The following ATXN1 variants were observed in gnomAD, a reference collection of about 807,000 sequenced individuals.
The protein encoded by ATXN1 is ataxin-1.
Under a neutral mutation model 56.4 loss-of-function variants are expected in ATXN1, and 8 were observed. That is an observed-to-expected ratio of 0.14 (90% CI 0.08 to 0.26). ATXN1 has a LOEUF of 0.26. Ranked by LOEUF, ATXN1 falls within the 10% of genes least tolerant of loss-of-function variation. ATXN1 has a pLI of 1.00. For missense variants in ATXN1, 987 were observed against 1,106.5 expected (o/e 0.89, Z 1.53); for synonymous variants, 514 against 494.6 (o/e 1.04, Z -0.52).
chr6:16,385,339 G>A (rs917661346), intron 6 of ATXN1, among the ~76,000 whole-genome samples: 3 of 152,212 alleles, frequency 2.0e-5, no homozygotes, highest in Admixed American at 1.3e-4. Flanking sequence ...AAGGGACCAG[G>A]TTCTACAGGC....
chr6:16,559,675 AAG>A (rs923833968), intron 4 of ATXN1, among the ~76,000 whole-genome samples: 4 of 152,326 alleles, frequency 2.6e-5, no homozygotes, highest in African/African-American at 9.6e-5. Flanking sequence ...ACACAGAAAT[AAG>A]AGAGATGCTT....
At chr6:16,358,265 A>T (rs1761732507) in intron 6 of ATXN1, among the ~76,000 whole-genome samples, 1 of 152,224 alleles carries the variant, frequency 6.6e-6, no homozygotes, top group Non-Finnish European at 1.5e-5. Flanking sequence ...TTCCTTAAAG[A>T]ACTTAAAGTA....
chr6:16,614,228 G>A (rs1757691), intron 3 of ATXN1, among the ~76,000 whole-genome samples: 57 of 150,732 alleles, frequency 3.8e-4, no homozygotes, highest in Middle Eastern at 6.9e-3. Flanking sequence ...TAGAGAGGAA[G>A]GGAATGGAAG....
chr6:16,717,116 C>T (rs1759656562), intron 2 of ATXN1, among the ~76,000 whole-genome samples: 1 of 152,252 alleles, frequency 6.6e-6, no homozygotes, highest in African/African-American at 2.4e-5. Context: ...ACCCCTGCCC[C>T]AGCCAGCACC....
intron 2 of ATXN1, among the ~76,000 whole-genome samples, chr6:16,706,356 T>C (rs147255445): frequency 6.8e-4 from 103 of 152,164 alleles, no homozygotes; most frequent in African/African-American, 2.4e-3. Context: ...GCCCAATACG[T>C]ATGCAAGAAA....
chr6:16,531,207 G>C (rs950642111), intron 4 of ATXN1, among the ~76,000 whole-genome samples: 7 of 152,124 alleles, frequency 4.6e-5, no homozygotes, highest in African/African-American at 1.4e-4. Flanking sequence ...TACGTTTCGG[G>C]GCAGGTCCCT....
At chr6:16,691,124 A>G (rs1350574156) in intron 2 of ATXN1, among the ~76,000 whole-genome samples, 1 of 152,226 alleles carries the variant, frequency 6.6e-6, no homozygotes, top group East Asian at 1.9e-4. Flanking sequence ...AGTGAAAAAG[A>G]TGGTGCCAGG....
At chr6:16,525,324 G>A (rs1162256127) in intron 4 of ATXN1, among the ~76,000 whole-genome samples, 1 of 152,058 alleles carries the variant, frequency 6.6e-6, no homozygotes, top group Non-Finnish European at 1.5e-5. Context: ...TACACACAAT[G>A]GAATATTATT....
chr6:16,499,316 C>T (rs1186628318), intron 5 of ATXN1, among the ~76,000 whole-genome samples: 2 of 152,108 alleles, frequency 1.3e-5, no homozygotes, highest in African/African-American at 4.8e-5. Flanking sequence ...CTTGAAAAAA[C>T]AAAACTTTAA....
chr6:16,584,386 A>T (rs945745818), intron 4 of ATXN1, among the ~76,000 whole-genome samples: 1 of 151,796 alleles, frequency 6.6e-6, no homozygotes. Flanking sequence ...TTTATTAAAT[A>T]CCTTTTTGCT....
chr6:16,577,801 G>A (rs1762451403), intron 4 of ATXN1, among the ~76,000 whole-genome samples: 1 of 152,160 alleles, frequency 6.6e-6, no homozygotes. Context: ...AAATTGCAGA[G>A]TTATAGAAAT....
chr6:16,350,669 T>C lies in ATXN1; in HGVS notation c.-160-22199A>G, dbSNP rs141465067. ...TTTGGCCAAAGACGGGTCTGCCCTT[T>C]GCCCTTGGCTCCTGGGAAATGATCT... On this transcript the variant is annotated intron_variant, in intron 6 of 7. Coordinates refer to ENST00000436367, the MANE Select transcript of ATXN1 (RefSeq NM_001128164.2). Among the ~76,000 whole-genome samples the C allele has an allele frequency of 4.3e-3, 662 of 152,364 alleles. 5 individuals are homozygous for C. Among genetic ancestry groups the C allele is most frequent in the African/African-American group, 0.015 (616 of 41,588 alleles).
rs552087725 is a variant in ATXN1, at chr6:16,662,482, G to A, written c.-614-4581C>T. Among the ~76,000 whole-genome samples the A allele has an allele frequency of 2.7e-4, 41 of 152,042 alleles. 1 individual carries two copies. Among genetic ancestry groups the A allele is most frequent in the African/African-American group, 7.7e-4 (32 of 41,450 alleles). On this transcript the variant is annotated intron_variant, in intron 2 of 7. Transcript: ENST00000436367. ...CAAGTAGCTGGGATTACAGGCACACGCCACCACGCCCAGCTAATTTTTTGT... is the reference window on the plus strand; with the variant it reads ...CAAGTAGCTGGGATTACAGGCACACACCACCACGCCCAGCTAATTTTTTGT...
rs138752694 is a variant in ATXN1, at chr6:16,682,307, G to A, written c.-614-24406C>T. Among the ~76,000 whole-genome samples, 236 of 149,206 alleles carry A rather than the reference G, an allele frequency of 1.6e-3. 1 individual carries two copies. Among genetic ancestry groups the A allele is most frequent in the African/African-American group, 5.5e-3 (224 of 40,438 alleles). ...CACCTCCCAGGTTCAAGTGATTCTC[G>A]TGCCTCAGCCTCCCAAGTAGCTGGG... is the stretch of plus-strand genomic sequence containing the variant. On this transcript the variant is annotated intron_variant, in intron 2 of 7. Transcript: ENST00000436367.
chr6:16,612,660 G>A (rs1009749586), intron 3 of ATXN1, among the ~76,000 whole-genome samples: 2 of 151,952 alleles, frequency 1.3e-5, no homozygotes, highest in African/African-American at 2.4e-5. Flanking sequence ...TTGGGAGGTC[G>A]GGCAGGCAGA....
intron 6 of ATXN1, among the ~76,000 whole-genome samples, chr6:16,385,852 G>A (rs1461735902): frequency 1.3e-5 from 2 of 152,188 alleles, no homozygotes; most frequent in Admixed American, 1.3e-4. Context: ...TAAGATAAGT[G>A]CAAACATTTT....
chr6:16,553,115 C>T (rs1237547637), intron 4 of ATXN1, among the ~76,000 whole-genome samples: 1 of 152,202 alleles, frequency 6.6e-6, no homozygotes, highest in Non-Finnish European at 1.5e-5. Context: ...CTGCCATGGC[C>T]CTTCCAGCTG....
At chr6:16,526,384 C>T (rs965978137) in intron 4 of ATXN1, among the ~76,000 whole-genome samples, 7 of 152,024 alleles carry the variant, frequency 4.6e-5, no homozygotes. Flanking sequence ...GCCTTAACAG[C>T]AAAAAGTTGT....
chr6:16,440,649 A>AAAAG (rs1554147535), intron 6 of ATXN1, among the ~76,000 whole-genome samples: 3 of 113,658 alleles, frequency 2.6e-5, no homozygotes, highest in Admixed American at 9.5e-5. Flanking sequence ...TTAAAAAAAA[A>AAAAG]AAAGAAAAGA....
Sources: gnomAD v4.1 joint callset for allele counts (sites outside exome capture counted in the v4.1 genomes callset) on GRCh38, gnomAD v4.1.1 for gene constraint, MANE v1.5 for transcripts, NCBI Gene and HGNC (gene_info 2026-07-23, HGNC 2026-07-21) for gene names.